Variants in CALD1 observed in about 807,000 individuals in gnomAD.
CALD1 encodes caldesmon.
Under a neutral mutation model 99.9 loss-of-function variants are expected in CALD1, and 33 were observed. That is an observed-to-expected ratio of 0.33 (90% CI 0.25 to 0.44). CALD1 has a LOEUF of 0.44. Among genes scored for constraint, CALD1 ranks in the 20% least tolerant of loss-of-function variants. The pLI, the probability that CALD1 is intolerant of heterozygous loss-of-function variation, is 1.00. For synonymous variants in CALD1, 310 were observed against 325.0 expected (o/e 0.95, Z 0.50); for missense variants, 861 against 962.1 (o/e 0.89, Z 1.39).
At chr7:134,960,205 C>A in intron 12 of CALD1, 94 bp downstream of exon 12, 1 of 1,408,938 alleles carries the variant, frequency 7.1e-7, no homozygotes, top group Non-Finnish European at 9.9e-7. Context: ...ATAATAAAAG[C>A]AGTGAAGAAG....
At chr7:134,788,220 A>G (rs1012724884) in intron 1 of CALD1, among the ~76,000 whole-genome samples, 2 of 152,232 alleles carry the variant, frequency 1.3e-5, no homozygotes, top group African/African-American at 2.4e-5. Context: ...ATGTTTCACT[A>G]TTATCTATTC....
At chr7:134,856,542 GA>G (rs1441277287) in intron 2 of CALD1, among the ~76,000 whole-genome samples, 5 of 152,200 alleles carry the variant, frequency 3.3e-5, no homozygotes, top group African/African-American at 1.2e-4. Flanking sequence ...AATTATGATA[GA>G]GGGGTAGCAA....
At chr7:134,712,851 G>A in the CALD1 span, among the ~76,000 whole-genome samples, 1 of 152,288 alleles carries the variant, frequency 6.6e-6, no homozygotes, top group East Asian at 1.9e-4. Flanking sequence ...ATAATAGAGG[G>A]AAAGAAGAGA....
intron 3 of CALD1, among the ~76,000 whole-genome samples, chr7:134,924,902 CTCCTTCACTTGGCGCTTCT>C (rs1804882220): frequency 6.6e-6 from 1 of 152,148 alleles, no homozygotes; most frequent in Non-Finnish European, 1.5e-5. Context: ...GGGGCTCTTC[CTCCTTCACTTGGCGCTTCT>C]TCCTGCCACC....
At chr7:134,819,078 C>A (rs2131986648) in intron 1 of CALD1, among the ~76,000 whole-genome samples, 1 of 152,220 alleles carries the variant, frequency 6.6e-6, no homozygotes, top group East Asian at 1.9e-4. Flanking sequence ...TGATTTCACA[C>A]AAGGCAAGAG....
At chr7:134,835,613 T>C (rs1467093749) in intron 1 of CALD1, among the ~76,000 whole-genome samples, 1 of 152,212 alleles carries the variant, frequency 6.6e-6, no homozygotes, top group African/African-American at 2.4e-5. Flanking sequence ...CCTAAATTTT[T>C]CAGAGTTGAC....
At chr7:134,779,895 G>A (rs1208911320) in intron 1 of CALD1, 146 bp downstream of exon 1, 8 of 392,238 alleles carry the variant, frequency 2.0e-5, no homozygotes, top group Admixed American at 1.3e-4. Context: ...GCCTGACTGG[G>A]CTTCACTGCC....
intron 2 of CALD1, among the ~76,000 whole-genome samples, chr7:134,864,164 C>T (rs1451973208): frequency 6.6e-6 from 1 of 152,096 alleles, no homozygotes; most frequent in African/African-American, 2.4e-5. Flanking sequence ...GCCTGGCCAA[C>T]ACGGTGAAAC....
chr7:134,860,772 AT>A (rs746364586), intron 2 of CALD1, among the ~76,000 whole-genome samples: 1 of 152,228 alleles, frequency 6.6e-6, no homozygotes, highest in Non-Finnish European at 1.5e-5. Flanking sequence ...ATCAACATGA[AT>A]TATAGATATT....
At chr7:134,873,013 TC>T (rs1801169661) in intron 3 of CALD1, among the ~76,000 whole-genome samples, 1 of 151,848 alleles carries the variant, frequency 6.6e-6, no homozygotes, top group South Asian at 2.1e-4. Flanking sequence ...TGAAACCCTG[TC>T]TCTACTAAAA....
intron 3 of CALD1, among the ~76,000 whole-genome samples, chr7:134,918,854 G>C (rs1804410942): frequency 6.6e-6 from 1 of 152,030 alleles, no homozygotes; most frequent in Admixed American, 6.6e-5. Context: ...AAATTAGCCA[G>C]ATGTGGTGGT....
At chr7:134,817,002 A>G in intron 1 of CALD1, among the ~76,000 whole-genome samples, 1 of 152,236 alleles carries the variant, frequency 6.6e-6, no homozygotes, top group Admixed American at 6.5e-5. Flanking sequence ...CACAAATATT[A>G]TAATAGTATT....
intron 1 of CALD1, among the ~76,000 whole-genome samples, chr7:134,843,420 T>C (rs550205808): frequency 6.6e-6 from 1 of 152,376 alleles, no homozygotes; most frequent in East Asian, 1.9e-4. Flanking sequence ...TTAGTGACTC[T>C]GCCATTCATT....
the CALD1 span, among the ~76,000 whole-genome samples, chr7:134,723,175 G>A: frequency 6.6e-5 from 10 of 152,302 alleles, no homozygotes; most frequent in Non-Finnish European, 1.2e-4. Flanking sequence ...CAGTTCTTGC[G>A]TAAAAAGATA....
chr7:134,742,549 C>G (rs1222449432), upstream of CALD1, among the ~76,000 whole-genome samples: 1 of 152,116 alleles, frequency 6.6e-6, no homozygotes, highest in Non-Finnish European at 1.5e-5. Flanking sequence ...TGGTTGGGGC[C>G]CACCTGGGAT....
chr7:134,959,923 A>G (rs1563135107), intron 11 of CALD1, 51 bp from the exon 12 acceptor site: 13 of 1,582,626 alleles, frequency 8.2e-6, no homozygotes, highest in Non-Finnish European at 1.1e-5. Flanking sequence ...CTATAATTTT[A>G]TGAGAACAAA....
intron 1 of CALD1, among the ~76,000 whole-genome samples, chr7:134,792,190 C>A (rs1368242057): frequency 6.6e-6 from 1 of 151,922 alleles, no homozygotes; most frequent in Non-Finnish European, 1.5e-5. Flanking sequence ...TGAGGGAAGT[C>A]TCTGTTCCAG....
chr7:134,823,795 G>T (rs10268492), intron 1 of CALD1, among the ~76,000 whole-genome samples: 6,834 of 152,198 alleles, frequency 0.045, 496 homozygotes, highest in African/African-American at 0.15. Context: ...TCCTTTTGGG[G>T]TGTTCATGTA....
At chr7:134,776,254 G>C (rs538861579), upstream of CALD1, among the ~76,000 whole-genome samples, 1 of 152,088 alleles carries the variant, frequency 6.6e-6, no homozygotes, top group East Asian at 1.9e-4. Flanking sequence ...CATGACGTTT[G>C]CTATATATTT....
Sources: gnomAD v4.1 joint callset for allele counts (sites outside exome capture counted in the v4.1 genomes callset) on GRCh38, gnomAD v4.1.1 for gene constraint, MANE v1.5 for transcripts, NCBI Gene and HGNC (gene_info 2026-07-23, HGNC 2026-07-21) for gene names.